The following SYTL3 variants were observed in gnomAD, a reference collection of about 807,000 sequenced individuals.
SYTL3 encodes the protein synaptotagmin-like protein 3.
A neutral mutation model predicts 82.1 loss-of-function variants in SYTL3; 88 were observed. The ratio of observed to expected loss-of-function variants is 1.07; its 90% CI spans 0.90 to 1.28. The LOEUF (loss-of-function observed/expected upper bound fraction) is 1.28, where lower values mean the gene tolerates loss of function less well. Ranked by LOEUF, SYTL3 falls within the 50% of genes most tolerant of loss-of-function variation. The probability of loss-of-function intolerance (pLI) is 0.00; values close to 1 mark genes in which losing one functional copy is unlikely to be tolerated. For synonymous variants in SYTL3, 311 were observed against 289.4 expected, an observed-to-expected ratio of 1.07 and a Z score of -0.76; for missense variants, 831 against 757.6, an observed-to-expected ratio of 1.10 and a Z score of -1.14.
chr6:158,666,572 G>A (rs930092240), intron 5 of SYTL3, among the ~76,000 whole-genome samples: 27 of 152,174 alleles, frequency 1.8e-4, no homozygotes, highest in African/African-American at 6.5e-4. Flanking sequence ...TCGGAGAAGG[G>A]AAGGAATACT....
chr6:158,734,056 C>G (rs1785802392), intron 11 of SYTL3, among the ~76,000 whole-genome samples: 1 of 133,142 alleles, frequency 7.5e-6, no homozygotes, highest in African/African-American at 3.0e-5. Flanking sequence ...GATTGCGCCA[C>G]TGCACTCCAG....
chr6:158,759,950 A>G (rs1408631200), intron 14 of SYTL3, among the ~76,000 whole-genome samples: 1 of 152,012 alleles, frequency 6.6e-6, no homozygotes, highest in Non-Finnish European at 1.5e-5. Flanking sequence ...GTGTGGCCCA[A>G]GACAATTCTT....
chr6:158,729,861 C>T (rs970300043), intron 11 of SYTL3, among the ~76,000 whole-genome samples: 20 of 147,098 alleles, frequency 1.4e-4, no homozygotes, highest in African/African-American at 4.6e-4. Context: ...CTACTGCACC[C>T]GGCCAACGTT....
At chr6:158,654,827 T>C (rs932924207) in intron 2 of SYTL3, among the ~76,000 whole-genome samples, 1 of 152,110 alleles carries the variant, frequency 6.6e-6, no homozygotes, top group African/African-American at 2.4e-5. Flanking sequence ...TCGGGGGGGC[T>C]TCTCCACATG....
chr6:158,659,917 A>G (rs1789155354), intron 2 of SYTL3, among the ~76,000 whole-genome samples: 1 of 152,172 alleles, frequency 6.6e-6, no homozygotes, highest in Non-Finnish European at 1.5e-5. Flanking sequence ...TGTAAGCTGC[A>G]TCATATTTTT....
At chr6:158,738,433 C>T (rs1183195498) in intron 11 of SYTL3, among the ~76,000 whole-genome samples, 2 of 152,156 alleles carry the variant, frequency 1.3e-5, no homozygotes, top group Non-Finnish European at 2.9e-5. Context: ...CTTCTTTCCC[C>T]ACCCGCAATA....
Position 158,707,227 on chromosome 6 carries a change from C to G in SYTL3, c.395-3C>G. 1 of 1,613,796 alleles carries G rather than the reference C, an allele frequency of 6.2e-7. No homozygotes were observed. Among genetic ancestry groups the G allele is most frequent in the Non-Finnish European group, 8.5e-7 (1 of 1,179,994 alleles). On this transcript the variant is annotated splice_region_variant and splice_polypyrimidine_tract_variant and intron_variant, in intron 6 of 17. Transcript: ENST00000611299. ...AAACGCCCTCTATGGATATCTCTCG[C>G]AGGCAAACATGAGACAGTTGGAGGG...
chr6:158,723,590 G>A (rs953733560), intron 10 of SYTL3, among the ~76,000 whole-genome samples: 3 of 152,004 alleles, frequency 2.0e-5, no homozygotes, highest in Non-Finnish European at 2.9e-5. Flanking sequence ...TATAGTTCGC[G>A]GCATTGAAAA....
intron 15 of SYTL3, among the ~76,000 whole-genome samples, chr6:158,761,692 C>A (rs1158738746): frequency 1.3e-5 from 2 of 152,216 alleles, no homozygotes; most frequent in African/African-American, 4.8e-5. Flanking sequence ...CACGGGGTCA[C>A]CAGCAGACCA....
chr6:158,720,886 T>C (rs1784029342), intron 10 of SYTL3, among the ~76,000 whole-genome samples: 1 of 152,208 alleles, frequency 6.6e-6, no homozygotes, highest in Non-Finnish European at 1.5e-5. Context: ...TGCACCGTGA[T>C]GTGCTGTGTG....
chr6:158,725,543 A>G lies in SYTL3; in HGVS notation c.761A>G (p.Glu254Gly). 1.2e-6 allele frequency: 2 copies of G among 1,614,212 alleles called. No homozygotes were observed. Among genetic ancestry groups the G allele is most frequent in the South Asian group, 2.2e-5 (2 of 91,080 alleles). ...APDILKPLNQ[E>G]DPKCSTNPIL... ...GATATTCTGAAACCTCTCAATCAAG[A>G]GGATCCCAAATGCTCTACTAACCCT... The change falls in exon 11 of 18, where the codon GAG becomes GGG. Residue 254 changes from glutamate to glycine, a missense_variant. By Grantham distance (98) the Glu-to-Gly change is moderately conservative. Transcript: ENST00000611299.
rs1226147061 is a variant in SYTL3, at chr6:158,749,505, CTCTTTTTT to C, written c.1035-2421_1035-2414del. Among the ~76,000 whole-genome samples the C allele has an allele frequency of 8.4e-3, 789 of 94,328 alleles. 12 individuals carry two copies. Among genetic ancestry groups the C allele is most frequent in the African/African-American group, 0.029 (725 of 25,266 alleles). The allele number at this position is 94,328 out of a possible 152,430, so 61.9% of individuals were successfully genotyped here. A position where few individuals can be genotyped will look rare whatever the true frequency, so the allele number is the denominator to read the frequency against. On this transcript the variant is annotated intron_variant, in intron 12 of 17. Coordinates refer to ENST00000611299, the MANE Select transcript of SYTL3 (RefSeq NM_001242394.2). ...GAAATGAACACCTTCTTTTCTTTCT[CTCTTTTTT>C]TTTTTTTTTTTTTTTTTTTAAGAAA...
At chr6:158,739,570 A>G (rs958704984) in intron 11 of SYTL3, among the ~76,000 whole-genome samples, 2 of 149,458 alleles carry the variant, frequency 1.3e-5, no homozygotes, top group East Asian at 2.0e-4. Context: ...CTCTCCCTCT[A>G]TCTCTCTCTC....
intron 6 of SYTL3, among the ~76,000 whole-genome samples, chr6:158,688,866 T>G (rs2128416973): frequency 6.6e-6 from 1 of 152,346 alleles, no homozygotes; most frequent in Non-Finnish European, 1.5e-5. Flanking sequence ...GGCAAAAAAT[T>G]ATTGAATAGA....
intron 5 of SYTL3, among the ~76,000 whole-genome samples, chr6:158,673,810 G>A (rs1386291098): frequency 6.6e-6 from 1 of 150,860 alleles, no homozygotes; most frequent in Non-Finnish European, 1.5e-5. Flanking sequence ...CGGGCCGGGC[G>A]TGGTGGCTCA....
chr6:158,743,740 C>T (rs1203161427), intron 11 of SYTL3, among the ~76,000 whole-genome samples: 1 of 151,338 alleles, frequency 6.6e-6, no homozygotes, highest in Non-Finnish European at 1.5e-5. Flanking sequence ...GCCACTGTGC[C>T]CGGCCTGTGC....
intron 5 of SYTL3, among the ~76,000 whole-genome samples, chr6:158,672,548 T>TTTTG (rs1777511564): frequency 7.5e-6 from 1 of 134,054 alleles, no homozygotes; most frequent in African/African-American, 3.1e-5. Flanking sequence ...ATACTGGTTT[T>TTTTG]TTTGTTTCTT....
intron 12 of SYTL3, among the ~76,000 whole-genome samples, chr6:158,750,203 A>G (rs774070510): frequency 5.3e-5 from 8 of 152,238 alleles, no homozygotes; most frequent in Non-Finnish European, 8.8e-5. Context: ...AAAACTAAGC[A>G]GTACATTGTT....
chr6:158,761,430 G>A lies in SYTL3; in HGVS notation c.1415-646G>A, dbSNP rs979271939. On this transcript the variant is annotated intron_variant, in intron 15 of 17. Transcript: ENST00000611299. ...CCATTCTCCTGCCTCAGCCTCCCGA[G>A]TACCTGGGACTACAGGCACCTGCCA... Among the ~76,000 whole-genome samples the A allele has an allele frequency of 3.3e-5, 5 of 149,462 alleles. 2 individuals are homozygous for A. In the South Asian group the frequency reaches 1.1e-3, roughly 32 times the overall value.
Sources: allele counts gnomAD v4.1 joint callset (sites outside exome capture counted in the v4.1 genomes callset), GRCh38; gene constraint gnomAD v4.1.1; transcripts MANE v1.5; gene names NCBI Gene and HGNC (gene_info 2026-07-23, HGNC 2026-07-21).